The following FAM53B variants were observed in gnomAD, a reference collection of about 807,000 sequenced individuals.
FAM53B encodes family with sequence similarity 53 member B, also known as protein FAM53B.
A neutral mutation model predicts 32.7 loss-of-function variants in FAM53B; 12 were observed. That is an observed-to-expected ratio of 0.37 (90% CI 0.24 to 0.59). FAM53B has a LOEUF of 0.59. Ranked by LOEUF, FAM53B falls within the 20% of genes least tolerant of loss-of-function variation. FAM53B has a pLI of 0.72. For missense variants in FAM53B, 477 were observed against 577.7 expected, an observed-to-expected ratio of 0.83 and a Z score of 1.79; for synonymous variants, 234 against 228.7, an observed-to-expected ratio of 1.02 and a Z score of -0.21.
chr10:124,646,383 T>C (rs1002962094), intron 4 of FAM53B, among the ~76,000 whole-genome samples: 1 of 152,256 alleles, frequency 6.6e-6, no homozygotes, highest in African/African-American at 2.4e-5. Flanking sequence ...AGGCCTCTAA[T>C]GCCTGACAGG....
intron 4 of FAM53B, among the ~76,000 whole-genome samples, chr10:124,669,585 G>A (rs947773775): frequency 6.6e-6 from 1 of 152,214 alleles, no homozygotes; most frequent in Non-Finnish European, 1.5e-5. Flanking sequence ...CCAAAGGCTG[G>A]GAGCAGCCCC....
intron 4 of FAM53B, among the ~76,000 whole-genome samples, chr10:124,676,746 C>T (rs1949738832): frequency 6.6e-6 from 1 of 152,192 alleles, no homozygotes; most frequent in Non-Finnish European, 1.5e-5. Context: ...CCCCGCCCAC[C>T]CAGCTCTCCT....
chr10:124,670,665 T>C (rs1168431481), intron 4 of FAM53B, among the ~76,000 whole-genome samples: 2 of 152,222 alleles, frequency 1.3e-5, no homozygotes, highest in Non-Finnish European at 2.9e-5. Context: ...ACATTCTCCC[T>C]GATTATCTTT....
At chr10:124,707,265 C>A (rs1949966698) in intron 1 of FAM53B, among the ~76,000 whole-genome samples, 1 of 152,176 alleles carries the variant, frequency 6.6e-6, no homozygotes, top group African/African-American at 2.4e-5. Context: ...CAGCACACAC[C>A]AGGATACATT....
chr10:124,654,621 C>T (rs556653783), intron 4 of FAM53B, among the ~76,000 whole-genome samples: 1 of 152,350 alleles, frequency 6.6e-6, no homozygotes, highest in South Asian at 2.1e-4. Flanking sequence ...AAGCCCGACT[C>T]CAGGCATGTG....
At chr10:124,691,039 G>A (rs1224012819) in intron 3 of FAM53B, among the ~76,000 whole-genome samples, 1 of 152,176 alleles carries the variant, frequency 6.6e-6, no homozygotes, top group Non-Finnish European at 1.5e-5. Flanking sequence ...AGAATCAAAA[G>A]CACTCAAGCT....
intron 2 of FAM53B, among the ~76,000 whole-genome samples, chr10:124,701,376 A>G (rs1949913964): frequency 6.6e-6 from 1 of 152,224 alleles, no homozygotes; most frequent in African/African-American, 2.4e-5. Context: ...GCCCCTCCAA[A>G]GGACAAGTAT....
intron 4 of FAM53B, among the ~76,000 whole-genome samples, chr10:124,624,336 C>T (rs1246481303): frequency 2.6e-5 from 4 of 152,188 alleles, no homozygotes; most frequent in South Asian, 2.1e-4. Flanking sequence ...CATGAGTTCT[C>T]GGCCTCACCT....
chr10:124,702,416 T>G (rs987525903), intron 2 of FAM53B, among the ~76,000 whole-genome samples: 1 of 152,222 alleles, frequency 6.6e-6, no homozygotes, highest in Non-Finnish European at 1.5e-5. Flanking sequence ...TCAGCTTATC[T>G]CACATTCTGT....
At chr10:124,667,676 AG>A (rs1164289812) in intron 4 of FAM53B, among the ~76,000 whole-genome samples, 1 of 152,228 alleles carries the variant, frequency 6.6e-6, no homozygotes, top group Admixed American at 6.5e-5. Context: ...CCGGGGTCAC[AG>A]GGCAGAGGGC....
rs1949289413 is a variant in FAM53B at position 124,619,455 on chromosome 10, T to TC, written c.*3786dup. 1 of 152,278 alleles carries TC rather than the reference T, an allele frequency of 6.6e-6. No individual in the cohort carries two copies. The highest frequency in any genetic ancestry group is 2.4e-5 in the African/African-American group (1 of 41,348). 9.4% of individuals were successfully genotyped at this position (152,278 alleles called of 1,614,324 possible). On this transcript the variant is annotated 3_prime_UTR_variant, in exon 5 of 5. Transcript: ENST00000337318. ...GTCTACGCTTTCTGGTCGCCACACTTCCTGAAGCACGGCAACACCCACAAC... is the reference window on the plus strand; with the variant it reads ...GTCTACGCTTTCTGGTCGCCACACTTCCCTGAAGCACGGCAACACCCACAAC...
chr10:124,670,331 C>T (rs2134062208), intron 4 of FAM53B, among the ~76,000 whole-genome samples: 1 of 152,300 alleles, frequency 6.6e-6, no homozygotes, highest in South Asian at 2.1e-4. Context: ...GGTCGAACCC[C>T]CAAGGTGGAA....
At chr10:124,723,076 C>G (rs1172017424) in intron 1 of FAM53B, among the ~76,000 whole-genome samples, 2 of 152,238 alleles carry the variant, frequency 1.3e-5, no homozygotes, top group African/African-American at 4.8e-5. Context: ...CCTCCACACT[C>G]CACACTGAGT....
intron 4 of FAM53B, among the ~76,000 whole-genome samples, chr10:124,670,174 A>G (rs1231613832): frequency 6.8e-6 from 1 of 147,712 alleles, no homozygotes; most frequent in Non-Finnish European, 1.5e-5. Context: ...CATCACCATG[A>G]GAGGCACTTG....
chr10:124,667,355 T>C (rs889929119), intron 4 of FAM53B: 6 of 747,208 alleles, frequency 8.0e-6, no homozygotes, highest in African/African-American at 5.1e-5. Context: ...TTCACTGGAC[T>C]GCTTCCTCTA....
intron 4 of FAM53B, among the ~76,000 whole-genome samples, chr10:124,625,693 C>T (rs958192707): frequency 6.6e-6 from 1 of 152,234 alleles, no homozygotes; most frequent in Non-Finnish European, 1.5e-5. Flanking sequence ...TGAGGCTCCT[C>T]CTGCTTCTCA....
At chr10:124,661,483 T>TCTGAG (rs1949631072) in intron 4 of FAM53B, among the ~76,000 whole-genome samples, 1 of 152,174 alleles carries the variant, frequency 6.6e-6, no homozygotes, top group Non-Finnish European at 1.5e-5. Flanking sequence ...CCAAACAGGA[T>TCTGAG]CTGACACCTG....
intron 1 of FAM53B, among the ~76,000 whole-genome samples, chr10:124,740,273 G>C (rs1288210893): frequency 1.3e-5 from 2 of 152,104 alleles, no homozygotes; most frequent in East Asian, 1.9e-4. Context: ...CCCAAATCTT[G>C]CCCCAAAACG....
At chr10:124,718,601 G>A (rs1208511683) in intron 1 of FAM53B, among the ~76,000 whole-genome samples, 3 of 152,220 alleles carry the variant, frequency 2.0e-5, no homozygotes, top group Non-Finnish European at 2.9e-5. Flanking sequence ...GTTCTGGAGG[G>A]CAGGATAAAT....
Sources: gnomAD v4.1 joint callset for allele counts (sites outside exome capture counted in the v4.1 genomes callset) on GRCh38, gnomAD v4.1.1 for gene constraint, MANE v1.5 for transcripts, NCBI Gene and HGNC (gene_info 2026-07-23, HGNC 2026-07-21) for gene names.